NR3C2: variants seen among roughly 807,000 people sequenced by gnomAD.
NR3C2 encodes the protein mineralocorticoid receptor.
In NR3C2, 15 loss-of-function variants were observed where a neutral mutation model predicts 86.4. The observed-to-expected ratio is 0.17, with a 90% CI of 0.12 to 0.27. NR3C2 has a LOEUF of 0.27. Ranked by LOEUF, NR3C2 falls within the 10% of genes least tolerant of loss-of-function variation. The probability of loss-of-function intolerance (pLI) is 1.00; values close to 1 mark genes in which losing one functional copy is unlikely to be tolerated. For missense variants in NR3C2, 960 were observed against 1,195.6 expected, an observed-to-expected ratio of 0.80 and a Z score of 2.91; for synonymous variants, 458 against 450.5, an observed-to-expected ratio of 1.02 and a Z score of -0.21.
At position 148,319,493 on chromosome 4, in the gene NR3C2, T is replaced by G. The variant is rs1407720873; in HGVS notation, c.1758-59376A>C. ...AGTATGGCCATTTTCACGATATTGA[T>G]TCTTCCTACCCATGAGCATGGAATG... On this transcript the variant is annotated intron_variant, in intron 2 of 8. Coordinates refer to ENST00000358102, the MANE Select transcript of NR3C2 (RefSeq NM_000901.5). Among the ~76,000 whole-genome samples, 3 of 150,880 alleles carry G rather than the reference T, an allele frequency of 2.0e-5. No individual in the cohort carries two copies. The East Asian group carries it at 5.8e-4, about 29-fold the overall frequency.
At chr4:148,225,939 TTAAC>T (rs1465834868) in intron 3 of NR3C2, among the ~76,000 whole-genome samples, 1 of 152,162 alleles carries the variant, frequency 6.6e-6, no homozygotes, top group African/African-American at 2.4e-5. Flanking sequence ...AGAAGTTTAC[TTAAC>T]TAAGAGTAGA....
chr4:148,439,220 T>C (rs1750216332), intron 1 of NR3C2, among the ~76,000 whole-genome samples: 1 of 152,210 alleles, frequency 6.6e-6, no homozygotes, highest in East Asian at 1.9e-4. Flanking sequence ...GTAAATATTA[T>C]ATGCTGCTTC....
At chr4:148,341,910 A>G (rs1028940337) in intron 2 of NR3C2, among the ~76,000 whole-genome samples, 1 of 152,202 alleles carries the variant, frequency 6.6e-6, no homozygotes, top group East Asian at 1.9e-4. Context: ...AGGTATACCC[A>G]AACCCTGCCT....
chr4:148,192,933 T>C (rs989395872), intron 4 of NR3C2, among the ~76,000 whole-genome samples: 2 of 152,200 alleles, frequency 1.3e-5, no homozygotes, highest in Non-Finnish European at 2.9e-5. Flanking sequence ...AGGGCTTTAG[T>C]TCTTCCCCTG....
chr4:148,377,457 T>A (rs1202473848), intron 2 of NR3C2, among the ~76,000 whole-genome samples: 1 of 152,166 alleles, frequency 6.6e-6, no homozygotes, highest in Non-Finnish European at 1.5e-5. Context: ...GTCCACAAAC[T>A]GAGACAAGGG....
chr4:148,343,852 G>A (rs146661081), intron 2 of NR3C2, among the ~76,000 whole-genome samples: 21 of 152,200 alleles, frequency 1.4e-4, no homozygotes, highest in Non-Finnish European at 2.1e-4. Context: ...GAATCTTGGG[G>A]TTAAATTACA....
At chr4:148,377,232 G>A (rs1746724982) in intron 2 of NR3C2, among the ~76,000 whole-genome samples, 1 of 152,154 alleles carries the variant, frequency 6.6e-6, no homozygotes, top group Non-Finnish European at 1.5e-5. Context: ...AGGAAGAAGA[G>A]TATAAAATTT....
intron 7 of NR3C2, among the ~76,000 whole-genome samples, chr4:148,118,575 T>C (rs775829834): frequency 6.6e-6 from 1 of 152,182 alleles, no homozygotes; most frequent in South Asian, 2.1e-4. Context: ...TATATCTCCA[T>C]GCTCATACCT....
intron 2 of NR3C2, among the ~76,000 whole-genome samples, chr4:148,337,457 G>A (rs993137962): frequency 3.3e-5 from 5 of 152,178 alleles, no homozygotes; most frequent in Admixed American, 6.5e-5. Flanking sequence ...AGAAGTTACA[G>A]TTTAGGATTG....
intron 3 of NR3C2, among the ~76,000 whole-genome samples, chr4:148,241,169 G>C (rs1316553013): frequency 6.6e-6 from 1 of 151,564 alleles, no homozygotes; most frequent in Non-Finnish European, 1.5e-5. Context: ...AGCTAGGCAT[G>C]GTGGCGCACA....
chr4:148,220,559 G>A (rs542159792), intron 3 of NR3C2, among the ~76,000 whole-genome samples: 8 of 152,252 alleles, frequency 5.3e-5, no homozygotes, highest in Non-Finnish European at 7.4e-5. Flanking sequence ...TAATCCCAGC[G>A]CTTTGAGACG....
chr4:148,169,146 C>T (rs961350375), intron 4 of NR3C2, among the ~76,000 whole-genome samples: 13 of 152,120 alleles, frequency 8.5e-5, no homozygotes, highest in Non-Finnish European at 5.9e-5. Flanking sequence ...AATAGATCTA[C>T]GATGACCATA....
chr4:148,334,600 C>T (rs563049510), intron 2 of NR3C2, among the ~76,000 whole-genome samples: 2 of 152,258 alleles, frequency 1.3e-5, no homozygotes, highest in African/African-American at 4.8e-5. Flanking sequence ...ACAACAAATT[C>T]TGGCATTGAT....
At chr4:148,291,913 G>A (rs1012163948) in intron 2 of NR3C2, among the ~76,000 whole-genome samples, 1 of 152,122 alleles carries the variant, frequency 6.6e-6, no homozygotes, top group Non-Finnish European at 1.5e-5. Context: ...TACAGGTGGG[G>A]AAAATCATCT....
chr4:148,360,196 AT>A (rs1195674251), intron 2 of NR3C2, among the ~76,000 whole-genome samples: 2 of 152,174 alleles, frequency 1.3e-5, no homozygotes, highest in Non-Finnish European at 2.9e-5. Flanking sequence ...CTTTCTTATC[AT>A]TTTGCTTATT....
At chr4:148,219,529 C>T (rs1376761441) in intron 3 of NR3C2, among the ~76,000 whole-genome samples, 1 of 152,136 alleles carries the variant, frequency 6.6e-6, no homozygotes, top group African/African-American at 2.4e-5. Context: ...ACATTAATTG[C>T]CCTTTTCATT....
chr4:148,152,479 C>T lies in NR3C2; in HGVS notation c.2500G>A (p.Val834Ile). The T allele has an allele frequency of 6.2e-7, 1 of 1,613,946 alleles. No homozygotes were observed. The highest frequency in any genetic ancestry group is 8.5e-7 in the Non-Finnish European group (1 of 1,179,890). ...TTAATAGGTACTTACTCATTAAAGACTAGGTCTGGTGCAAAATAGAGAAAT... is the reference window on the plus strand; with the variant it reads ...TTAATAGGTACTTACTCATTAAAGATTAGGTCTGGTGCAAAATAGAGAAAT... ...SQFLYFAPDLVFNEEKMHQSA... is the reference protein window; with the variant it reads ...SQFLYFAPDLIFNEEKMHQSA... Residue 834 changes from valine (V) to isoleucine (I), a missense_variant, in exon 6 of 9, where the codon GTC becomes ATC. Physicochemically the swap from Val to Ile is conservative, Grantham distance 29. This residue lies in a region of NR3C2 where 151 missense variants were observed against 296.3 expected (regional missense o/e 0.51). Transcript: ENST00000358102.
intron 2 of NR3C2, among the ~76,000 whole-genome samples, chr4:148,335,864 A>T (rs1181895514): frequency 6.6e-6 from 1 of 152,244 alleles, no homozygotes; most frequent in African/African-American, 2.4e-5. Context: ...TGTTATTTAC[A>T]ACACAGAAAA....
chr4:148,183,273 A>C (rs182048110), intron 4 of NR3C2, among the ~76,000 whole-genome samples: 52 of 152,338 alleles, frequency 3.4e-4, no homozygotes, highest in Middle Eastern at 3.4e-3. Flanking sequence ...ATAGTGCCGC[A>C]ATAAACATAT....
Sources: allele counts gnomAD v4.1 joint callset (sites outside exome capture counted in the v4.1 genomes callset), GRCh38; gene constraint gnomAD v4.1.1; regional missense constraint gnomAD v4.1.1; transcripts MANE v1.5; gene names NCBI Gene and HGNC (gene_info 2026-07-23, HGNC 2026-07-21).